The following NPAS3 variants were observed in gnomAD, a reference collection of about 807,000 sequenced individuals.
The protein encoded by NPAS3 is neuronal PAS domain protein 3.
A neutral mutation model predicts 73.1 loss-of-function variants in NPAS3; 14 were observed. The ratio of observed to expected loss-of-function variants is 0.19; its 90% CI spans 0.13 to 0.30. The LOEUF is 0.30. Ranked by LOEUF, NPAS3 falls within the 10% of genes least tolerant of loss-of-function variation. The probability of loss-of-function intolerance (pLI) is 1.00; values close to 1 mark genes in which losing one functional copy is unlikely to be tolerated. For missense variants in NPAS3, 1,096 were observed against 1,250.0 expected (o/e 0.88, Z 1.86); for synonymous variants, 620 against 541.5 (o/e 1.14, Z -2.01).
chr14:33,584,048 G>A (rs1034035108), intron 5 of NPAS3, among the ~76,000 whole-genome samples: 2 of 152,136 alleles, frequency 1.3e-5, no homozygotes, highest in African/African-American at 4.8e-5. Flanking sequence ...TATAACCACT[G>A]AAATAGCAGC....
At position 33,716,149 on chromosome 14, in the gene NPAS3, G is replaced by A. The variant is rs142093425; in HGVS notation, c.734-19065G>A. On this transcript the variant is annotated intron_variant, in intron 6 of 11. Coordinates refer to ENST00000356141, the Ensembl canonical transcript of NPAS3. Reference sequence around the variant, plus strand: ...GGTCTTTGTAACCTGTCTCCACACAGATACTACTGGTTAGAGACAGTATCC... The same window carrying A: ...GGTCTTTGTAACCTGTCTCCACACAAATACTACTGGTTAGAGACAGTATCC... 1.1e-3 allele frequency among the ~76,000 whole-genome samples: 174 copies of A among 152,326 alleles called. 2 individuals are homozygous for A. The highest frequency in any genetic ancestry group is 4.0e-3 in the African/African-American group (168 of 41,576).
At chr14:32,945,709 A>T (rs567872917) in intron 1 of NPAS3, among the ~76,000 whole-genome samples, 1 of 152,358 alleles carries the variant, frequency 6.6e-6, no homozygotes, top group African/African-American at 2.4e-5. Flanking sequence ...GTAGTGAACG[A>T]TAGCCCTCTG....
chr14:33,271,467 A>G (rs1312001550), intron 3 of NPAS3, among the ~76,000 whole-genome samples: 8 of 152,106 alleles, frequency 5.3e-5, no homozygotes, highest in Non-Finnish European at 8.8e-5. Flanking sequence ...AGGAGAGGCC[A>G]GAGACAAGAG....
chr14:33,188,920 A>G (rs1489760428), intron 2 of NPAS3, among the ~76,000 whole-genome samples: 1 of 152,178 alleles, frequency 6.6e-6, no homozygotes, highest in Non-Finnish European at 1.5e-5. Flanking sequence ...TAAAATTTAA[A>G]TAAGTCAGTG....
chr14:33,437,829 G>A (rs964459903), intron 4 of NPAS3, among the ~76,000 whole-genome samples: 1 of 152,166 alleles, frequency 6.6e-6, no homozygotes, highest in African/African-American at 2.4e-5. Flanking sequence ...GATGTGGTAG[G>A]GTAGACCATG....
chr14:33,664,192 C>T (rs1251198487), intron 5 of NPAS3, among the ~76,000 whole-genome samples: 1 of 152,136 alleles, frequency 6.6e-6, no homozygotes, highest in Non-Finnish European at 1.5e-5. Context: ...TGGAACAGAA[C>T]AGTGGCCTCA....
At chr14:33,632,737 A>G (rs1209025351) in intron 5 of NPAS3, among the ~76,000 whole-genome samples, 1 of 152,198 alleles carries the variant, frequency 6.6e-6, no homozygotes, top group African/African-American at 2.4e-5. Flanking sequence ...TGCAGAGGAA[A>G]CGCTCTTTTT....
At chr14:33,176,311 T>A (rs2045588706) in intron 2 of NPAS3, among the ~76,000 whole-genome samples, 1 of 152,154 alleles carries the variant, frequency 6.6e-6, no homozygotes, top group Non-Finnish European at 1.5e-5. Context: ...TCACCACTAT[T>A]TTCAAAAGTT....
intron 3 of NPAS3, among the ~76,000 whole-genome samples, chr14:33,288,210 G>T (rs988362552): frequency 2.6e-5 from 4 of 152,142 alleles, no homozygotes; most frequent in African/African-American, 7.2e-5. Context: ...GCCCTTAATA[G>T]CCAGTTCATG....
intron 1 of NPAS3, among the ~76,000 whole-genome samples, chr14:33,022,313 A>G (rs947982510): frequency 1.3e-5 from 2 of 152,114 alleles, no homozygotes; most frequent in Non-Finnish European, 2.9e-5. Context: ...CTTAAATATT[A>G]CCCTGCAGGG....
At chr14:33,228,715 G>T (rs6571590) in intron 3 of NPAS3, among the ~76,000 whole-genome samples, 117,137 of 151,530 alleles carry the variant, frequency 0.77, 45,475 homozygotes, top group South Asian at 0.9. Flanking sequence ...GAGTTTATAA[G>T]CCACTAGGAG....
intron 5 of NPAS3, among the ~76,000 whole-genome samples, chr14:33,647,759 C>T (rs991504506): frequency 6.6e-6 from 1 of 152,078 alleles, no homozygotes; most frequent in Non-Finnish European, 1.5e-5. Context: ...CATTCCATCC[C>T]AGGTCACATC....
At chr14:33,085,982 T>G (rs1482019958) in intron 2 of NPAS3, among the ~76,000 whole-genome samples, 1 of 152,054 alleles carries the variant, frequency 6.6e-6, no homozygotes, top group African/African-American at 2.4e-5. Flanking sequence ...CTCCTAGGAG[T>G]AGAAGGCATA....
At chr14:33,012,145 A>G (rs918463818) in intron 1 of NPAS3, among the ~76,000 whole-genome samples, 1 of 152,092 alleles carries the variant, frequency 6.6e-6, no homozygotes, top group Non-Finnish European at 1.5e-5. Flanking sequence ...TGCACAGAAC[A>G]ATTAAAAACA....
At chr14:33,061,174 G>C (rs1317541908) in intron 2 of NPAS3, among the ~76,000 whole-genome samples, 1 of 152,168 alleles carries the variant, frequency 6.6e-6, no homozygotes, top group African/African-American at 2.4e-5. Context: ...CTGGGGGGAG[G>C]ATGGTCACCT....
intron 1 of NPAS3, among the ~76,000 whole-genome samples, chr14:33,047,302 G>C (rs1383298247): frequency 6.6e-6 from 1 of 152,096 alleles, no homozygotes; most frequent in Non-Finnish European, 1.5e-5. Context: ...GGTAAAGTTG[G>C]TTAGGAAGAA....
At position 33,611,984 on chromosome 14, in the gene NPAS3, G is replaced by A. The variant is rs76248001; in HGVS notation, c.558+51774G>A. Among the ~76,000 whole-genome samples the A allele has an allele frequency of 0.019, 2,873 of 152,220 alleles. 109 individuals carry two copies. In the East Asian group the frequency reaches 0.19, roughly 10 times the overall value. On this transcript the variant is annotated intron_variant, in intron 5 of 11. Transcript: ENST00000356141. ...TAAATTCTATCACTCCAGCAGAGAC[G>A]GGAAACTGGGCAGCCTGGCCCTGCA...
intron 1 of NPAS3, among the ~76,000 whole-genome samples, chr14:32,956,351 C>T (rs2036671138): frequency 2.0e-5 from 3 of 152,072 alleles, no homozygotes; most frequent in Admixed American, 6.6e-5. Context: ...ATCACATGGC[C>T]TTGTGTATAT....
At chr14:33,498,877 ATTT>A (rs1211920897) in intron 4 of NPAS3, among the ~76,000 whole-genome samples, 1 of 150,744 alleles carries the variant, frequency 6.6e-6, no homozygotes, top group Non-Finnish European at 1.5e-5. Flanking sequence ...AGGAAGGTTT[ATTT>A]TTAAAATCTG....
Sources: gnomAD v4.1 joint callset for allele counts (sites outside exome capture counted in the v4.1 genomes callset) on GRCh38, gnomAD v4.1.1 for gene constraint, MANE v1.5 for transcripts, NCBI Gene and HGNC (gene_info 2026-07-23, HGNC 2026-07-21) for gene names.